The following ZNF771 variants were observed in gnomAD, a reference collection of about 807,000 sequenced individuals.
The protein encoded by ZNF771 is mesenchymal stem cell protein DSC43.
ZNF771 carries 10 observed loss-of-function variants against 27.6 expected under a neutral mutation model. The ratio of observed to expected loss-of-function variants is 0.36; its 90% CI spans 0.22 to 0.61. The LOEUF (loss-of-function observed/expected upper bound fraction) is 0.61, where lower values mean the gene tolerates loss of function less well. Among genes scored for constraint, ZNF771 ranks in the 20% least tolerant of loss-of-function variants. The pLI, the probability that ZNF771 is intolerant of heterozygous loss-of-function variation, is 0.70. For synonymous variants in ZNF771, 261 were observed against 225.2 expected, an observed-to-expected ratio of 1.16 and a Z score of -1.43; for missense variants, 438 against 503.7, an observed-to-expected ratio of 0.87 and a Z score of 1.25.
intron 2 of ZNF771, among the ~76,000 whole-genome samples, chr16:30,415,404 TGA>T (rs2050128428): frequency 6.8e-6 from 1 of 146,596 alleles, no homozygotes. Flanking sequence ...TTTTTTTTTT[TGA>T]GACGGAGTCT....
At chr16:30,416,993 A>G (rs2050137733) in intron 2 of ZNF771, among the ~76,000 whole-genome samples, 1 of 151,266 alleles carries the variant, frequency 6.6e-6, no homozygotes, top group African/African-American at 2.4e-5. Flanking sequence ...CTCCACCACT[A>G]CATCCGTGAC....
intron 2 of ZNF771, among the ~76,000 whole-genome samples, chr16:30,410,789 G>T (rs557062843): frequency 6.7e-6 from 1 of 148,438 alleles, no homozygotes; most frequent in East Asian, 2.0e-4. Flanking sequence ...GAAAGCCAAG[G>T]TGGGAGGATC....
Position 30,418,109 on chromosome 16 carries a change from C to G in ZNF771, c.696C>G (p.Arg232=). The G allele has an allele frequency of 6.7e-7, 1 of 1,483,906 alleles. No homozygotes were observed. Among genetic ancestry groups the G allele is most frequent in the Non-Finnish European group, 8.9e-7 (1 of 1,124,842 alleles). The allele number at this position is 1,483,906 out of a possible 1,614,324, so 91.9% of individuals were successfully genotyped here. The change falls in exon 3 of 3, where the codon CGC becomes CGG. Residue 232 remains arginine (R), a synonymous_variant. Transcript: ENST00000319296. ...TGCACACGGGCGAGAAGCCGCACCG[C>G]TGCGCTGTGTGTGGCCGTCGCTTCG... is the stretch of plus-strand genomic sequence containing the variant. ...RRVHTGEKPH[R]CAVCGRRFGH...
rs745902170 is a variant in ZNF771 at position 30,418,051 on chromosome 16, C to G, written c.638C>G (p.Ala213Gly). 2.5e-5 allele frequency: 37 copies of G among 1,465,866 alleles called. No individual in the cohort carries two copies. The highest frequency in any genetic ancestry group is 1.5e-5 in the African/African-American group (1 of 67,626). The allele number at this position is 1,465,866 out of a possible 1,614,324, so 90.8% of individuals were successfully genotyped here. A position where few individuals can be genotyped will look rare whatever the true frequency, so the allele number is the denominator to read the frequency against. The change falls in exon 3 of 3, where the codon GCT becomes GGT. Residue 213 changes from alanine to glycine, a missense_variant. This residue lies in a region of ZNF771 where 305 missense variants were observed against 308.0 expected (regional missense o/e 0.99). Coordinates refer to ENST00000319296, the MANE Select transcript of ZNF771 (RefSeq NM_001142305.2). ...TGCGCCGACTGCGGCACGCGCTTCG[C>G]TCAGAGCTCGGCGCTGGCCAAGCAC... ...YACADCGTRF[A>G]QSSALAKHRR... is the part of the protein sequence containing the mutation.
Position 30,417,837 on chromosome 16 carries a change from A to G in ZNF771, c.424A>G (p.Thr142Ala), listed in dbSNP as rs781694593. ...CCTGCGGCAGCACCGGCGGCGGCACACGGGCGAGAAGCCGTACGCATGCGC... is the reference window on the plus strand; with the variant it reads ...CCTGCGGCAGCACCGGCGGCGGCACGCGGGCGAGAAGCCGTACGCATGCGC... ...SNLRQHRRRH[T>A]GEKPYACAHC... The change falls in exon 3 of 3, where the codon ACG becomes GCG. Residue 142 changes from threonine to alanine, a missense_variant. Thr to Ala is a moderately conservative substitution (Grantham distance 58). Transcript: ENST00000319296. The G allele has an allele frequency of 6.7e-7, 1 of 1,501,434 alleles. No homozygotes were observed. The allele number at this position is 1,501,434 out of a possible 1,614,324, so 93.0% of individuals were successfully genotyped here.
intron 2 of ZNF771, among the ~76,000 whole-genome samples, chr16:30,417,329 T>C (rs954283051): frequency 2.0e-4 from 30 of 152,224 alleles, no homozygotes; most frequent in African/African-American, 5.1e-4. Flanking sequence ...TCAGTAAATA[T>C]TGGTTGAATT....
chr16:30,418,855 G>C lies in ZNF771; in HGVS notation c.*488G>C, dbSNP rs1395981257. On this transcript the variant is annotated 3_prime_UTR_variant, in exon 3 of 3. Coordinates refer to ENST00000319296, the MANE Select transcript of ZNF771 (RefSeq NM_001142305.2). ...ACTGCATTCGGCAGAGCTCCAGTGA[G>C]CAAGGCACGACCCTCAGATCTCAGT... 1 of 158,564 alleles carries C rather than the reference G, an allele frequency of 6.3e-6. No individual in the cohort carries two copies. Among genetic ancestry groups the C allele is most frequent in the African/African-American group, 2.4e-5 (1 of 41,736 alleles). 9.8% of individuals were successfully genotyped at this position (158,564 alleles called of 1,614,324 possible).
At chr16:30,411,532 T>C (rs1467157457) in intron 2 of ZNF771, among the ~76,000 whole-genome samples, 5 of 152,076 alleles carry the variant, frequency 3.3e-5, no homozygotes, top group Non-Finnish European at 5.9e-5. Context: ...CAGGGCCAGA[T>C]TGTGAATGGT....
In ZNF771 at chr16:30,407,766, C is replaced by A. The variant is rs898889408; in HGVS notation, c.-10+102C>A. The A allele has an allele frequency of 1.2e-5, 3 of 241,022 alleles. No individual in the cohort carries two copies. In the South Asian group the frequency reaches 1.7e-4, roughly 14 times the overall value. The allele number at this position is 241,022 out of a possible 1,614,324, so 14.9% of individuals were successfully genotyped here. A position where few individuals can be genotyped will look rare whatever the true frequency, so the allele number is the denominator to read the frequency against. ...ACCCGGGCCCTGGGGAGTGACTCAGCGCAAGGATGGTGGCGACTTGCGGGG... is the reference window on the plus strand; with the variant it reads ...ACCCGGGCCCTGGGGAGTGACTCAGAGCAAGGATGGTGGCGACTTGCGGGG... On this transcript the variant is annotated intron_variant, in intron 1 of 2. Coordinates refer to ENST00000319296, the MANE Select transcript of ZNF771 (RefSeq NM_001142305.2).
chr16:30,419,307 T>C lies in ZNF771; in HGVS notation c.*940T>C, dbSNP rs34261613. 6,509 of 152,756 alleles carry C rather than the reference T, an allele frequency of 0.043. 177 individuals carry two copies. Among genetic ancestry groups the C allele is most frequent in the Middle Eastern group, 0.078 (23 of 296 alleles). The allele number at this position is 152,756 out of a possible 1,614,324, so 9.5% of individuals were successfully genotyped here. On this transcript the variant is annotated 3_prime_UTR_variant, in exon 3 of 3. Transcript: ENST00000319296. ...CAAAGCGATTGGACCTAGCAGCTCA[T>C]GCCTGTAATCTCCAGCACTTTGGGA...
chr16:30,413,592 C>T (rs1363200640), intron 2 of ZNF771: 54 of 435,140 alleles, frequency 1.2e-4, no homozygotes, highest in Admixed American at 1.1e-3. Context: ...TTTAGAGACA[C>T]GATCTCGCTT....
intron 2 of ZNF771, among the ~76,000 whole-genome samples, chr16:30,414,801 G>A (rs1824948701): frequency 6.9e-6 from 1 of 145,950 alleles, no homozygotes; most frequent in South Asian, 2.1e-4. Flanking sequence ...CTGCCACCAC[G>A]CCTGGCTAAT....
intron 2 of ZNF771, among the ~76,000 whole-genome samples, chr16:30,410,598 G>A (rs1490976366): frequency 6.6e-6 from 1 of 152,056 alleles, no homozygotes; most frequent in Non-Finnish European, 1.5e-5. Context: ...GGCATTCCAG[G>A]AGGAGGAAAC....
At position 30,418,463 on chromosome 16, in the gene ZNF771, G is replaced by T; in HGVS notation, c.*96G>T. On this transcript the variant is annotated 3_prime_UTR_variant, in exon 3 of 3. Coordinates refer to ENST00000319296, the MANE Select transcript of ZNF771 (RefSeq NM_001142305.2). ...CCGGCCTCCGGGTCTGGGAAATTGAGGGGACGGCAGGCCCGGCTGCCCTGG... is the reference window on the plus strand; with the variant it reads ...CCGGCCTCCGGGTCTGGGAAATTGATGGGACGGCAGGCCCGGCTGCCCTGG... 1 of 1,244,420 alleles carries T rather than the reference G, an allele frequency of 8.0e-7. No individual in the cohort carries two copies. Among genetic ancestry groups the T allele is most frequent in the Non-Finnish European group, 1.0e-6 (1 of 957,326 alleles). 77.1% of individuals were successfully genotyped at this position (1,244,420 alleles called of 1,614,324 possible).
intron 2 of ZNF771, among the ~76,000 whole-genome samples, chr16:30,416,871 A>T (rs1326827106): frequency 6.1e-5 from 9 of 146,360 alleles, no homozygotes; most frequent in Non-Finnish European, 1.3e-4. Context: ...GGACTGCTTG[A>T]GCCAGGAGGT....
Position 30,418,474 on chromosome 16 carries a change from G to A in ZNF771, c.*107G>A. 8.6e-7 allele frequency: 1 copy of A among 1,162,186 alleles called. No homozygotes were observed. Among genetic ancestry groups the A allele is most frequent in the South Asian group, 1.9e-5 (1 of 51,760 alleles). The allele number at this position is 1,162,186 out of a possible 1,614,324, so 72.0% of individuals were successfully genotyped here. A position where few individuals can be genotyped will look rare whatever the true frequency, so the allele number is the denominator to read the frequency against. On this transcript the variant is annotated 3_prime_UTR_variant, in exon 3 of 3. Transcript: ENST00000319296. ...GTCTGGGAAATTGAGGGGACGGCAG[G>A]CCCGGCTGCCCTGGAACTGGGAGAC... is the stretch of plus-strand genomic sequence containing the variant.
intron 2 of ZNF771, among the ~76,000 whole-genome samples, chr16:30,412,741 G>T (rs574662468): frequency 3.0e-4 from 45 of 151,974 alleles, no homozygotes; most frequent in African/African-American, 9.4e-4. Flanking sequence ...GCAGTGAGCC[G>T]TGATCATGCC....
intron 2 of ZNF771, among the ~76,000 whole-genome samples, chr16:30,413,142 G>A (rs1159044595): frequency 3.3e-5 from 5 of 152,142 alleles, no homozygotes; most frequent in Admixed American, 3.3e-4. Flanking sequence ...ATTTAAGCAG[G>A]AAAACAAAAA....
intron 2 of ZNF771, among the ~76,000 whole-genome samples, chr16:30,412,067 C>T (rs1007785516): frequency 6.6e-6 from 1 of 152,176 alleles, no homozygotes; most frequent in East Asian, 1.9e-4. Flanking sequence ...GCATTCAAAG[C>T]TCTTTACCAT....
Sources: gnomAD v4.1 joint callset for allele counts (sites outside exome capture counted in the v4.1 genomes callset) on GRCh38, gnomAD v4.1.1 for gene constraint, gnomAD v4.1.1 regional missense constraint, MANE v1.5 for transcripts, NCBI Gene and HGNC (gene_info 2026-07-23, HGNC 2026-07-21) for gene names.